ARPP21: variants seen among roughly 807,000 people sequenced by gnomAD.
ARPP21 encodes the protein cAMP-regulated phosphoprotein 21.
In ARPP21, 69 loss-of-function variants were observed where a neutral mutation model predicts 113.2. That is an observed-to-expected ratio of 0.61 (90% CI 0.50 to 0.74). The LOEUF is 0.74. Among genes scored for constraint, ARPP21 ranks in the 30% least tolerant of loss-of-function variants. The pLI is 0.00. For missense variants in ARPP21, 1,070 were observed against 1,037.4 expected, an observed-to-expected ratio of 1.03 and a Z score of -0.43; for synonymous variants, 368 against 375.5, an observed-to-expected ratio of 0.98 and a Z score of 0.23.
At chr3:35,676,967 A>G (rs2077651759) in intron 1 of ARPP21, among the ~76,000 whole-genome samples, 1 of 151,964 alleles carries the variant, frequency 6.6e-6, no homozygotes, top group African/African-American at 2.4e-5. Flanking sequence ...TTTCATTTAC[A>G]GAACCATGCC....
chr3:35,690,195 G>C, intron 8 of ARPP21, 55 bp downstream of exon 8: 2 of 847,002 alleles, frequency 2.4e-6, no homozygotes, highest in South Asian at 2.7e-5. Context: ...TTTGGTATTG[G>C]AGTTAAATTG....
intron 19 of ARPP21, chr3:35,774,749 T>A (rs991082318): frequency 1.3e-5 from 2 of 152,172 alleles, no homozygotes; most frequent in African/African-American, 4.8e-5. Context: ...TCTAGAGAAA[T>A]TTTCTCTGGA....
chr3:35,685,431 T>C, intron 5 of ARPP21: 1 of 984,724 alleles, frequency 1.0e-6, no homozygotes, highest in African/African-American at 1.7e-5. Flanking sequence ...TATAAGCAAG[T>C]GGCCGTGCTA....
In ARPP21 at chr3:35,793,827, C is replaced by T. The variant is rs984110298; in HGVS notation, c.2413C>T (p.Pro805Ser). 4 of 1,614,064 alleles carry T rather than the reference C, an allele frequency of 2.5e-6. No homozygotes were observed. Among genetic ancestry groups the T allele is most frequent in the Non-Finnish European group, 3.4e-6 (4 of 1,180,042 alleles). Residue 805 changes from proline (P) to serine (S), a missense_variant, in exon 21 of 21, where the codon CCG (proline) becomes TCG (serine). Physicochemically the swap from Pro to Ser is moderately conservative, Grantham distance 74. Coordinates refer to ENST00000684406, the MANE Select transcript of ARPP21 (RefSeq NM_001385562.1). ...AATGCCTGTTTACTGTAATGTCACACCGCCCACCCCTCAGAACAACCTTAG... is the reference window on the plus strand; with the variant it reads ...AATGCCTGTTTACTGTAATGTCACATCGCCCACCCCTCAGAACAACCTTAG... ...TGMPVYCNVT[P>S]PTPQNNLRLI...
At chr3:35,724,769 T>C (rs575170128) in intron 14 of ARPP21, among the ~76,000 whole-genome samples, 2 of 152,340 alleles carry the variant, frequency 1.3e-5, no homozygotes, top group East Asian at 3.9e-4. Context: ...ACCCCATGTT[T>C]CTACCACTTC....
chr3:35,670,841 G>T (rs535989256), intron 1 of ARPP21, among the ~76,000 whole-genome samples: 1 of 152,218 alleles, frequency 6.6e-6, no homozygotes, highest in East Asian at 1.9e-4. Flanking sequence ...TATCGATAGT[G>T]CTCCTGCTCT....
rs146302184 is a variant in ARPP21 at position 35,751,276 on chromosome 3, A to G, written c.2137+7311A>G. 8.1e-3 allele frequency among the ~76,000 whole-genome samples: 1,239 copies of G among 152,214 alleles called. 24 individuals are homozygous for G. The highest frequency in any genetic ancestry group is 0.028 in the African/African-American group (1,169 of 41,542). ...CTTCTACCCTCCCCTACTCCCAACT[A>G]TCTGCTGAATGATTCATTTTGGGTA... On this transcript the variant is annotated intron_variant, in intron 19 of 20. Transcript: ENST00000684406.
intron 19 of ARPP21, among the ~76,000 whole-genome samples, chr3:35,773,745 G>T (rs1239499734): frequency 1.3e-5 from 2 of 152,114 alleles, no homozygotes; most frequent in Admixed American, 1.3e-4. Context: ...CTGCTGAAAT[G>T]ACAACTTTTT....
intron 19 of ARPP21, among the ~76,000 whole-genome samples, chr3:35,779,862 T>G (rs140281201): frequency 2.0e-5 from 3 of 152,162 alleles, no homozygotes; most frequent in Non-Finnish European, 2.9e-5. Context: ...TTTTAGTCCC[T>G]TTCCATATTC....
chr3:35,666,916 T>A (rs928915652), intron 1 of ARPP21, among the ~76,000 whole-genome samples: 2 of 152,202 alleles, frequency 1.3e-5, no homozygotes, highest in African/African-American at 4.8e-5. Flanking sequence ...TCTACCCACC[T>A]GAATTGCCAC....
intron 12 of ARPP21, 137 bp from the exon 13 acceptor site, chr3:35,717,161 T>C (rs1415136124): frequency 1.8e-6 from 1 of 551,890 alleles, no homozygotes; most frequent in Non-Finnish European, 3.3e-6. Flanking sequence ...TAATTTATTA[T>C]GGCAAAATTC....
chr3:35,749,158 T>A (rs1380059825), intron 19 of ARPP21, among the ~76,000 whole-genome samples: 4 of 152,116 alleles, frequency 2.6e-5, no homozygotes, highest in Non-Finnish European at 5.9e-5. Flanking sequence ...AGTACACAGG[T>A]TGACCTAAAA....
chr3:35,739,429 C>T lies in ARPP21; in HGVS notation c.1862C>T (p.Pro621Leu), dbSNP rs140813903. ...PVYPSSLMPQ[P>L]AQQPSYVIAS... ...TACCCATCCTCCCTTATGCCACAGC[C>T]GGCCCAGCAGCCCAGCTATGTAATC... Residue 621 changes from proline (P) to leucine (L), a missense_variant, in exon 18 of 21, where the codon CCG (proline) becomes CTG (leucine). By Grantham distance (98) the Pro-to-Leu change is moderately conservative. Transcript: ENST00000684406. The T allele has an allele frequency of 5.7e-4, 919 of 1,614,136 alleles. 5 individuals are homozygous for T. In the African/African-American group the frequency reaches 0.01, roughly 18 times the overall value.
chr3:35,700,312 T>A (rs547082467), intron 9 of ARPP21, among the ~76,000 whole-genome samples: 1 of 151,942 alleles, frequency 6.6e-6, no homozygotes, highest in African/African-American at 2.4e-5. Flanking sequence ...GTCTGTATGC[T>A]TTAAACTATT....
At chr3:35,712,262 G>A (rs1264797247) in intron 11 of ARPP21, among the ~76,000 whole-genome samples, 1 of 152,130 alleles carries the variant, frequency 6.6e-6, no homozygotes, top group African/African-American at 2.4e-5. Flanking sequence ...TTCATAGCTG[G>A]TCTTTAGTTT....
At chr3:35,692,258 C>T (rs1003200691) in intron 9 of ARPP21, among the ~76,000 whole-genome samples, 1 of 151,650 alleles carries the variant, frequency 6.6e-6, no homozygotes, top group African/African-American at 2.4e-5. Flanking sequence ...AAAAATTTAT[C>T]AGGTTCCTAT....
intron 3 of ARPP21, 81 bp downstream of exon 3, chr3:35,681,961 T>G: frequency 7.0e-7 from 1 of 1,438,002 alleles, no homozygotes; most frequent in Admixed American, 2.2e-5. Context: ...CTTTAGAGAT[T>G]TATTTTTTAA....
At chr3:35,649,931 T>C (rs941532097) in intron 1 of ARPP21, among the ~76,000 whole-genome samples, 10 of 152,196 alleles carry the variant, frequency 6.6e-5, no homozygotes, top group Non-Finnish European at 1.0e-4. Flanking sequence ...ATGAGTTTGC[T>C]TTCTTAATTT....
At chr3:35,664,702 C>A (rs940016044) in intron 1 of ARPP21, among the ~76,000 whole-genome samples, 1 of 152,160 alleles carries the variant, frequency 6.6e-6, no homozygotes, top group Non-Finnish European at 1.5e-5. Flanking sequence ...GTGGCGGTTG[C>A]GTTTCCTCTT....
Sources: gnomAD v4.1 joint callset for allele counts (sites outside exome capture counted in the v4.1 genomes callset) on GRCh38, gnomAD v4.1.1 for gene constraint, MANE v1.5 for transcripts, NCBI Gene and HGNC (gene_info 2026-07-23, HGNC 2026-07-21) for gene names.